PNKD: variants seen among roughly 807,000 people sequenced by gnomAD.
PNKD encodes the protein probable thioesterase PNKD.
A neutral mutation model predicts 45.3 loss-of-function variants in PNKD; 36 were observed. The ratio of observed to expected loss-of-function variants is 0.80; its 90% confidence interval spans 0.61 to 1.05. The LOEUF (loss-of-function observed/expected upper bound fraction) is 1.05, where lower values mean the gene tolerates loss of function less well. Ranked by LOEUF, PNKD falls within the 50% of genes least tolerant of loss-of-function variation. The probability of loss-of-function intolerance (pLI) is 0.00; values close to 1 mark genes in which losing one functional copy is unlikely to be tolerated. For missense variants in PNKD, 511 were observed against 506.6 expected (o/e 1.01, Z -0.08); for synonymous variants, 197 against 210.1 (o/e 0.94, Z 0.54).
At chr2:218,315,229 C>G (rs929293346) in intron 2 of PNKD, among the ~76,000 whole-genome samples, 1 of 151,302 alleles carries the variant, frequency 6.6e-6, no homozygotes, top group Middle Eastern at 3.4e-3. Flanking sequence ...GTGACCTCTG[C>G]CTCCCAGGTT....
At chr2:218,323,039 G>A in intron 2 of PNKD, 1 of 393,526 alleles carries the variant, frequency 2.5e-6, no homozygotes, top group Non-Finnish European at 3.4e-6. Context: ...CCGCCTCCTG[G>A]CCGCCAGCCG....
At chr2:218,273,736 C>G (rs1470100072) in intron 2 of PNKD, among the ~76,000 whole-genome samples, 2 of 151,668 alleles carry the variant, frequency 1.3e-5, no homozygotes, top group Admixed American at 1.3e-4. Flanking sequence ...AGGTGATTCC[C>G]CCCCACCGCC....
At chr2:218,337,353 A>G (rs948187490) in intron 2 of PNKD, among the ~76,000 whole-genome samples, 1 of 152,142 alleles carries the variant, frequency 6.6e-6, no homozygotes, top group Non-Finnish European at 1.5e-5. Flanking sequence ...GATTACAGGC[A>G]TGAGCCACCG....
chr2:218,336,045 T>C (rs1694479996), intron 2 of PNKD, among the ~76,000 whole-genome samples: 1 of 151,644 alleles, frequency 6.6e-6, no homozygotes. Flanking sequence ...TGAAACCCTG[T>C]CTCTACTAAA....
chr2:218,303,911 G>A (rs1180479108), intron 2 of PNKD, among the ~76,000 whole-genome samples: 5 of 151,946 alleles, frequency 3.3e-5, no homozygotes, highest in East Asian at 3.9e-4. Flanking sequence ...GCTGGTTTCC[G>A]TTTGCTCTCC....
At chr2:218,271,006 G>A in intron 1 of PNKD, 1 of 452,686 alleles carries the variant, frequency 2.2e-6, no homozygotes, top group South Asian at 2.5e-5. Flanking sequence ...AAGGGATGGA[G>A]TAGACTATCT....
At chr2:218,298,007 A>AG (rs879431136) in intron 2 of PNKD, among the ~76,000 whole-genome samples, 4,991 of 151,610 alleles carry the variant, frequency 0.033, 93 homozygotes, top group Middle Eastern at 0.041. Context: ...CAAAAAAAAA[A>AG]AAAAAGAGAG....
chr2:218,340,747 G>T lies in PNKD; in HGVS notation c.485G>T (p.Gly162Val), dbSNP rs760824902. 1 of 1,613,960 alleles carries T rather than the reference G, an allele frequency of 6.2e-7. No homozygotes were observed. Among genetic ancestry groups the T allele is most frequent in the South Asian group, 1.1e-5 (1 of 91,070 alleles). Residue 162 changes from glycine to valine, a missense_variant, in exon 5 of 10, where the codon GGG becomes GTG. Physicochemically the swap from Gly to Val is moderately radical, Grantham distance 109 (BLOSUM62 -3). Coordinates refer to ENST00000273077, the MANE Select transcript of PNKD (RefSeq NM_015488.5). The surrounding 1 kb of genome is among the most constrained non-coding windows in gnomAD (Gnocchi z 4.2). ...TCGCAGGCTTCCATTGAAAAGGAAG[G>T]GGTCACCTTGGTCGCCATTCTGTGT... is the stretch of plus-strand genomic sequence containing the variant. ...RAVQASIEKE[G>V]VTLVAILCTH...
At chr2:218,289,811 G>A (rs1469823064) in intron 2 of PNKD, among the ~76,000 whole-genome samples, 1 of 152,022 alleles carries the variant, frequency 6.6e-6, no homozygotes, top group Non-Finnish European at 1.5e-5. Context: ...TACATGGCAT[G>A]TTCTCAGTAT....
intron 2 of PNKD, among the ~76,000 whole-genome samples, chr2:218,335,214 G>A (rs1202814945): frequency 2.0e-5 from 3 of 152,118 alleles, no homozygotes; most frequent in African/African-American, 7.2e-5. Context: ...GGGCGCGGTG[G>A]CTCACGCCAG....
At chr2:218,281,196 C>T (rs1347050414) in intron 2 of PNKD, among the ~76,000 whole-genome samples, 1 of 136,876 alleles carries the variant, frequency 7.3e-6, no homozygotes, top group East Asian at 2.2e-4. Flanking sequence ...TGCAGTAGTG[C>T]GATCCTGGCT....
At chr2:218,344,626 G>A in intron 9 of PNKD, 56 bp downstream of exon 9, 1 of 1,499,774 alleles carries the variant, frequency 6.7e-7, no homozygotes, top group Non-Finnish European at 9.3e-7. Context: ...GCCCCAACGG[G>A]AACCCATCCA....
At chr2:218,317,728 A>G (rs1693853142) in intron 2 of PNKD, among the ~76,000 whole-genome samples, 1 of 152,196 alleles carries the variant, frequency 6.6e-6, no homozygotes. Flanking sequence ...AGACCAAACC[A>G]GGGTTCTGCA....
chr2:218,343,423 C>A, intron 7 of PNKD, 77 bp from the exon 8 acceptor site: 2 of 1,151,638 alleles, frequency 1.7e-6, no homozygotes, highest in South Asian at 1.3e-5. Context: ...CAAGCTGGTT[C>A]CCACCTGTCT....
chr2:218,279,197 C>A, intron 2 of PNKD: 1 of 1,571,466 alleles, frequency 6.4e-7, no homozygotes, highest in South Asian at 1.2e-5. Flanking sequence ...CATGGTCACC[C>A]TGAGAGCAGG....
chr2:218,290,879 A>G (rs879833993), intron 2 of PNKD, among the ~76,000 whole-genome samples: 5 of 152,222 alleles, frequency 3.3e-5, no homozygotes, highest in Non-Finnish European at 7.3e-5. Context: ...CAGAAGGCCC[A>G]TGTCATGATC....
intron 2 of PNKD, among the ~76,000 whole-genome samples, chr2:218,328,609 G>A (rs1313016952): frequency 6.6e-6 from 1 of 152,148 alleles, no homozygotes; most frequent in Non-Finnish European, 1.5e-5. Flanking sequence ...GTATGACTGG[G>A]TTTTCACACA....
At chr2:218,276,005 T>G (rs564115462) in intron 2 of PNKD, 2 of 1,607,374 alleles carry the variant, frequency 1.2e-6, no homozygotes, top group East Asian at 4.5e-5. Context: ...CTCCCCTTCC[T>G]AGAGTGGGGC....
chr2:218,288,773 G>A (rs1692723014), intron 2 of PNKD, among the ~76,000 whole-genome samples: 1 of 152,168 alleles, frequency 6.6e-6, no homozygotes, highest in Non-Finnish European at 1.5e-5. Flanking sequence ...GGAGAGTAAA[G>A]TGTTTTCTTG....
Sources: gnomAD v4.1 joint callset for allele counts (sites outside exome capture counted in the v4.1 genomes callset) on GRCh38, gnomAD v4.1.1 for gene constraint, Gnocchi (gnomAD v3.1) non-coding constraint, MANE v1.5 for transcripts, NCBI Gene and HGNC (gene_info 2026-07-23, HGNC 2026-07-21) for gene names.